GALNT7: variants seen among roughly 807,000 people sequenced by gnomAD.
The protein encoded by GALNT7 is polypeptide N-acetylgalactosaminyltransferase 7.
Under a neutral mutation model 82.1 loss-of-function variants are expected in GALNT7, and 60 were observed. That is an observed-to-expected ratio of 0.73 (90% CI 0.59 to 0.91). The LOEUF (loss-of-function observed/expected upper bound fraction) is 0.91. GALNT7 is among the 40% of genes least tolerant of loss of function. GALNT7 has a pLI of 0.00. For synonymous variants in GALNT7, 243 were observed against 275.1 expected (o/e 0.88, Z 1.15); for missense variants, 660 against 804.2 (o/e 0.82, Z 2.17).
chr4:173,247,950 C>T, intron 1 of GALNT7, 30 bp from the exon 2 acceptor site: 1 of 1,451,900 alleles, frequency 6.9e-7, no homozygotes, highest in Non-Finnish European at 9.6e-7. Context: ...CCTTCATGTA[C>T]TCATTGTATA....
chr4:173,174,480 A>G (rs1415544066), intron 1 of GALNT7, among the ~76,000 whole-genome samples: 3 of 152,240 alleles, frequency 2.0e-5, no homozygotes, highest in Non-Finnish European at 2.9e-5. Context: ...TGTCTCCCAC[A>G]TAGGTCTGAA....
chr4:173,200,343 C>T (rs1261587182), intron 1 of GALNT7, among the ~76,000 whole-genome samples: 1 of 152,072 alleles, frequency 6.6e-6, no homozygotes, highest in Non-Finnish European at 1.5e-5. Flanking sequence ...TCAGATTAAT[C>T]TGTTTAGAAC....
intron 2 of GALNT7, among the ~76,000 whole-genome samples, chr4:173,266,196 G>A (rs368055157): frequency 6.6e-5 from 10 of 152,290 alleles, no homozygotes; most frequent in East Asian, 3.9e-4. Flanking sequence ...AGAGGCGGAC[G>A]TTGCAGTGAG....
At chr4:173,170,652 A>G (rs2126611969) in intron 1 of GALNT7, among the ~76,000 whole-genome samples, 1 of 152,342 alleles carries the variant, frequency 6.6e-6, no homozygotes, top group Non-Finnish European at 1.5e-5. Context: ...TTTGCTCTCA[A>G]TATGACTTAT....
intron 1 of GALNT7, among the ~76,000 whole-genome samples, chr4:173,179,930 G>A (rs181195672): frequency 6.6e-6 from 1 of 152,272 alleles, no homozygotes; most frequent in East Asian, 1.9e-4. Flanking sequence ...CTGTAGATAT[G>A]AAGTAAATAT....
chr4:173,294,531 G>T (rs1025785286), intron 3 of GALNT7, among the ~76,000 whole-genome samples: 5 of 152,032 alleles, frequency 3.3e-5, no homozygotes, highest in Non-Finnish European at 5.9e-5. Flanking sequence ...TCCTGTGATT[G>T]CATATTCATG....
chr4:173,171,774 T>C (rs1452717233), intron 1 of GALNT7, among the ~76,000 whole-genome samples: 1 of 152,224 alleles, frequency 6.6e-6, no homozygotes, highest in Non-Finnish European at 1.5e-5. Flanking sequence ...ATACCAGGCA[T>C]GGTACTAGTT....
chr4:173,171,455 T>C (rs1731870222), intron 1 of GALNT7, among the ~76,000 whole-genome samples: 1 of 152,236 alleles, frequency 6.6e-6, no homozygotes, highest in African/African-American at 2.4e-5. Context: ...TCCAGCAAGC[T>C]TGTACCTGTG....
intron 1 of GALNT7, among the ~76,000 whole-genome samples, chr4:173,206,762 A>G (rs764129766): frequency 6.6e-6 from 1 of 152,150 alleles, no homozygotes; most frequent in Non-Finnish European, 1.5e-5. Context: ...TTGCTGGGGA[A>G]GGTTGGGGAG....
chr4:173,247,564 A>T (rs1257008732), intron 1 of GALNT7, among the ~76,000 whole-genome samples: 1 of 152,056 alleles, frequency 6.6e-6, no homozygotes, highest in Admixed American at 6.6e-5. Flanking sequence ...TGTGCTACCG[A>T]CAAAAGGTTA....
At chr4:173,169,663 G>A (rs1731784576) in intron 1 of GALNT7, 1 of 151,670 alleles carries the variant, frequency 6.6e-6, no homozygotes, top group Admixed American at 6.6e-5. Context: ...CGCGTCCCTG[G>A]GCGAGGGAGG....
chr4:173,265,296 C>T (rs1463167862), intron 2 of GALNT7, among the ~76,000 whole-genome samples: 1 of 152,162 alleles, frequency 6.6e-6, no homozygotes, highest in East Asian at 1.9e-4. Flanking sequence ...GTGGAGGAAA[C>T]CCATTTTGCC....
intron 1 of GALNT7, among the ~76,000 whole-genome samples, chr4:173,219,832 T>C (rs966126046): frequency 2.0e-5 from 3 of 152,316 alleles, no homozygotes; most frequent in African/African-American, 7.2e-5. Flanking sequence ...TACTTTTTAA[T>C]GGGATTGTTT....
At chr4:173,268,016 T>G (rs960273060) in intron 2 of GALNT7, 1 of 154,588 alleles carries the variant, frequency 6.5e-6, no homozygotes, top group Non-Finnish European at 1.5e-5. Context: ...TCCTGCCGTC[T>G]TACTACAAAA....
chr4:173,229,121 A>G (rs1469997083), intron 1 of GALNT7, among the ~76,000 whole-genome samples: 1 of 152,200 alleles, frequency 6.6e-6, no homozygotes, highest in African/African-American at 2.4e-5. Flanking sequence ...TAATGGTCCT[A>G]TGTGCCAAAG....
At chr4:173,224,649 A>G (rs1579927756) in intron 1 of GALNT7, among the ~76,000 whole-genome samples, 1 of 152,302 alleles carries the variant, frequency 6.6e-6, no homozygotes, top group Non-Finnish European at 1.5e-5. Flanking sequence ...ATAGTTTTGA[A>G]TTACAATAAA....
At position 173,236,250 on chromosome 4, in the gene GALNT7, C is replaced by T. The variant is rs961136248; in HGVS notation, c.127-11730C>T. On this transcript the variant is annotated intron_variant, in intron 1 of 11. Coordinates refer to ENST00000265000, the MANE Select transcript of GALNT7 (RefSeq NM_017423.3). Reference sequence around the variant, plus strand: ...CGTTGTCTATCAGAGAGCTGGCGAGCGAGCCCCACTGCAGCACTGCCATTA... The same window carrying T: ...CGTTGTCTATCAGAGAGCTGGCGAGTGAGCCCCACTGCAGCACTGCCATTA... Among the ~76,000 whole-genome samples the T allele has an allele frequency of 8.5e-5, 13 of 152,098 alleles. 1 individual carries two copies. The highest frequency in any genetic ancestry group is 1.3e-4 in the Admixed American group (2 of 15,270).
intron 1 of GALNT7, among the ~76,000 whole-genome samples, chr4:173,228,634 A>G (rs1733919104): frequency 6.6e-6 from 1 of 152,048 alleles, no homozygotes; most frequent in Non-Finnish European, 1.5e-5. Context: ...TGCAGTCAGG[A>G]GGAATGAATG....
At chr4:173,275,056 A>G (rs1254249457) in intron 2 of GALNT7, among the ~76,000 whole-genome samples, 1 of 152,204 alleles carries the variant, frequency 6.6e-6, no homozygotes, top group Non-Finnish European at 1.5e-5. Flanking sequence ...TCAGCTGTGA[A>G]GTTCTCACCT....
Sources: allele counts gnomAD v4.1 joint callset (sites outside exome capture counted in the v4.1 genomes callset), GRCh38; gene constraint gnomAD v4.1.1; transcripts MANE v1.5; gene names NCBI Gene and HGNC (gene_info 2026-07-23, HGNC 2026-07-21).